AUTS2: variants seen among roughly 807,000 people sequenced by gnomAD.
AUTS2 encodes activator of transcription and developmental regulator AUTS2.
AUTS2 carries 17 observed loss-of-function variants against 112.4 expected under a neutral mutation model. That is an observed-to-expected ratio of 0.15 (90% CI 0.10 to 0.23). AUTS2 has a LOEUF of 0.23. AUTS2 is among the 10% of genes least tolerant of loss of function. The pLI is 1.00. For synonymous variants in AUTS2, 751 were observed against 702.7 expected, an observed-to-expected ratio of 1.07 and a Z score of -1.09; for missense variants, 1,510 against 1,701.6, an observed-to-expected ratio of 0.89 and a Z score of 1.98.
At chr7:70,755,054 C>A (rs55780867) in intron 6 of AUTS2, among the ~76,000 whole-genome samples, 3,095 of 152,246 alleles carry the variant, frequency 0.02, 114 homozygotes, top group African/African-American at 0.07. Context: ...AATATTCACC[C>A]TTTCCTTTCT....
chr7:70,071,198 A>G (rs1802751276), intron 2 of AUTS2, among the ~76,000 whole-genome samples: 3 of 152,180 alleles, frequency 2.0e-5, no homozygotes, highest in Admixed American at 2.0e-4. Flanking sequence ...AATTCTGACT[A>G]GAAGCTCTCC....
intron 4 of AUTS2, among the ~76,000 whole-genome samples, chr7:70,422,617 A>G (rs992850217): frequency 1.3e-5 from 2 of 152,096 alleles, no homozygotes; most frequent in African/African-American, 4.8e-5. Context: ...TCTGTACTAA[A>G]AACACAAAAC....
At chr7:70,149,745 C>T (rs1807327092) in intron 4 of AUTS2, among the ~76,000 whole-genome samples, 1 of 151,934 alleles carries the variant, frequency 6.6e-6, no homozygotes, top group Non-Finnish European at 1.5e-5. Flanking sequence ...GTGTAACTAT[C>T]CAATGAATAT....
chr7:70,070,274 T>G (rs772879584), intron 2 of AUTS2, among the ~76,000 whole-genome samples: 4 of 152,086 alleles, frequency 2.6e-5, no homozygotes, highest in Non-Finnish European at 4.4e-5. Context: ...TATTTAAATT[T>G]AAACAGAAAG....
At chr7:69,736,494 T>C (rs1350007313) in intron 1 of AUTS2, among the ~76,000 whole-genome samples, 2 of 152,234 alleles carry the variant, frequency 1.3e-5, no homozygotes, top group Non-Finnish European at 2.9e-5. Context: ...TATCACTTCA[T>C]CTTTATCCTT....
chr7:70,745,827 C>T (rs1014020697), intron 6 of AUTS2, among the ~76,000 whole-genome samples: 3 of 152,094 alleles, frequency 2.0e-5, no homozygotes, highest in Non-Finnish European at 4.4e-5. Context: ...CACTTGCTTG[C>T]GTTATATACT....
At chr7:70,203,979 A>G (rs1810441019) in intron 4 of AUTS2, among the ~76,000 whole-genome samples, 1 of 150,820 alleles carries the variant, frequency 6.6e-6, no homozygotes, top group South Asian at 2.1e-4. Flanking sequence ...AAAAAAAAAA[A>G]GACACTGTAT....
At chr7:69,601,295 A>ATT (rs541650196) in intron 1 of AUTS2, among the ~76,000 whole-genome samples, 3 of 145,372 alleles carry the variant, frequency 2.1e-5, no homozygotes, top group Non-Finnish European at 3.0e-5. Flanking sequence ...TTCCCTTTCC[A>ATT]TTTTTTTTTT....
chr7:69,752,579 G>A (rs1443526072), intron 1 of AUTS2, among the ~76,000 whole-genome samples: 6 of 152,114 alleles, frequency 3.9e-5, no homozygotes, highest in South Asian at 2.1e-4. Flanking sequence ...TCTTGTGTGC[G>A]ACTTATTTTG....
intron 5 of AUTS2, among the ~76,000 whole-genome samples, chr7:70,586,648 G>A (rs1802703771): frequency 6.6e-6 from 1 of 152,176 alleles, no homozygotes. Flanking sequence ...TGTTTCTCGA[G>A]TTCTCAGCAC....
intron 6 of AUTS2, among the ~76,000 whole-genome samples, chr7:70,758,049 T>C (rs1789333257): frequency 6.6e-6 from 1 of 152,118 alleles, no homozygotes; most frequent in African/African-American, 2.4e-5. Flanking sequence ...CCCAAAGTGC[T>C]AGGATTACAG....
At chr7:69,684,772 A>G (rs746310481) in intron 1 of AUTS2, among the ~76,000 whole-genome samples, 1 of 152,222 alleles carries the variant, frequency 6.6e-6, no homozygotes, top group African/African-American at 2.4e-5. Flanking sequence ...GAGACATTAG[A>G]GACAATGTTA....
At chr7:70,256,467 A>C (rs1269100944) in intron 4 of AUTS2, among the ~76,000 whole-genome samples, 1 of 152,188 alleles carries the variant, frequency 6.6e-6, no homozygotes, top group Non-Finnish European at 1.5e-5. Flanking sequence ...CCCATGGTCC[A>C]TAGTTACAAA....
intron 4 of AUTS2, among the ~76,000 whole-genome samples, chr7:70,392,140 A>G (rs887458256): frequency 3.9e-5 from 6 of 152,190 alleles, no homozygotes; most frequent in Non-Finnish European, 7.3e-5. Context: ...TAGCTTTGCA[A>G]TGGCTTCTTT....
chr7:69,903,182 T>C (rs1795033389), intron 2 of AUTS2, among the ~76,000 whole-genome samples: 1 of 152,166 alleles, frequency 6.6e-6, no homozygotes, highest in African/African-American at 2.4e-5. Context: ...TGGCCTCTCC[T>C]TAAGGAGCTT....
chr7:69,977,069 T>G (rs1798088746), intron 2 of AUTS2, among the ~76,000 whole-genome samples: 1 of 152,206 alleles, frequency 6.6e-6, no homozygotes, highest in South Asian at 2.1e-4. Context: ...TTTTGTGATT[T>G]TATACTTTTA....
intron 5 of AUTS2, among the ~76,000 whole-genome samples, chr7:70,467,804 G>C (rs1196022096): frequency 6.6e-6 from 1 of 152,154 alleles, no homozygotes; most frequent in African/African-American, 2.4e-5. Flanking sequence ...ACTGCTAGAG[G>C]GACTGTGGTC....
intron 1 of AUTS2, among the ~76,000 whole-genome samples, chr7:69,799,690 C>T (rs1789997487): frequency 6.6e-6 from 1 of 152,176 alleles, no homozygotes; most frequent in Admixed American, 6.5e-5. Context: ...TCTTAAAACT[C>T]CTTGGCATTC....
At chr7:69,645,097 A>T (rs1202542975) in intron 1 of AUTS2, among the ~76,000 whole-genome samples, 1 of 146,576 alleles carries the variant, frequency 6.8e-6, no homozygotes, top group Non-Finnish European at 1.5e-5. Flanking sequence ...TTTTTGGTAG[A>T]GATGAGGTCT....
Sources: gnomAD v4.1 joint callset for allele counts (sites outside exome capture counted in the v4.1 genomes callset) on GRCh38, gnomAD v4.1.1 for gene constraint, MANE v1.5 for transcripts, NCBI Gene and HGNC (gene_info 2026-07-23, HGNC 2026-07-21) for gene names.